The following KLF12 variants were observed in gnomAD, a reference collection of about 807,000 sequenced individuals.
KLF12 encodes the protein Krueppel-like factor 12.
A neutral mutation model predicts 37.8 loss-of-function variants in KLF12; 9 were observed. The observed-to-expected ratio is 0.24, with a 90% CI of 0.14 to 0.42. KLF12 has a LOEUF of 0.42. Ranked by LOEUF, KLF12 falls within the 10% of genes least tolerant of loss-of-function variation. KLF12 has a pLI of 1.00. For synonymous variants in KLF12, 208 were observed against 202.1 expected (o/e 1.03, Z -0.25); for missense variants, 411 against 516.0 (o/e 0.80, Z 1.97).
intron 7 of KLF12, among the ~76,000 whole-genome samples, chr13:73,698,015 G>A (rs1874270848): frequency 6.6e-6 from 1 of 152,036 alleles, no homozygotes; most frequent in Admixed American, 6.6e-5. Flanking sequence ...TAGTTAGCCA[G>A]GTGCAGTGGC....
In KLF12 at chr13:73,891,932, AATAATCTCCCAAGAGGTC is replaced by A. The variant is rs1483117327; in HGVS notation, c.124-45577_124-45560del. ...GTAACATTGTATCAAAAGCCAAAGT[AATAATCTCCCAAGAGGTC>A]ACCAACCTTCCAGAAAACTGCTTCA... On this transcript the variant is annotated intron_variant, in intron 3 of 7. Transcript: ENST00000377669. Among the ~76,000 whole-genome samples the A allele has an allele frequency of 2.0e-5, 3 of 152,290 alleles. No homozygotes were observed. The East Asian group carries it at 5.8e-4, about 29-fold the overall frequency.
chr13:74,068,883 T>C (rs1566196949), intron 1 of KLF12, among the ~76,000 whole-genome samples: 1 of 152,170 alleles, frequency 6.6e-6, no homozygotes, highest in East Asian at 1.9e-4. Flanking sequence ...TGAAGGTATG[T>C]ATACATCATC....
At chr13:73,796,712 T>A (rs545601998) in intron 5 of KLF12, among the ~76,000 whole-genome samples, 155 of 152,266 alleles carry the variant, frequency 1.0e-3, no homozygotes, top group African/African-American at 3.6e-3. Flanking sequence ...ATCCCCTTCT[T>A]CAGTATTTAC....
the KLF12 span, among the ~76,000 whole-genome samples, chr13:74,184,450 T>C: frequency 6.6e-6 from 1 of 152,084 alleles, no homozygotes; most frequent in Non-Finnish European, 1.5e-5. Flanking sequence ...AAATTGAATA[T>C]AATGTTTCCA....
chr13:74,059,555 C>T (rs1873453594), intron 1 of KLF12, among the ~76,000 whole-genome samples: 1 of 152,146 alleles, frequency 6.6e-6, no homozygotes. Context: ...TTGAGCATTT[C>T]TTCATGTTTG....
the KLF12 span, among the ~76,000 whole-genome samples, chr13:74,182,026 G>A: frequency 1.3e-5 from 2 of 152,142 alleles, no homozygotes; most frequent in Non-Finnish European, 2.9e-5. Flanking sequence ...AAAATTCACA[G>A]TTGAAATGGC....
the KLF12 span, among the ~76,000 whole-genome samples, chr13:74,178,816 A>G: frequency 4.6e-5 from 7 of 152,176 alleles, no homozygotes; most frequent in Non-Finnish European, 1.0e-4. Flanking sequence ...CCCCAGCCTC[A>G]GAGTCTTCTT....
At chr13:74,300,060 A>C in the KLF12 span, among the ~76,000 whole-genome samples, 49 of 152,296 alleles carry the variant, frequency 3.2e-4, no homozygotes, top group African/African-American at 1.1e-3. Flanking sequence ...CATTGTAAAA[A>C]GGGGAAATCA....
intron 1 of KLF12, among the ~76,000 whole-genome samples, chr13:74,107,163 A>T (rs550612053): frequency 6.6e-6 from 1 of 152,300 alleles, no homozygotes; most frequent in African/African-American, 2.4e-5. Flanking sequence ...AATCCCATTC[A>T]CAAGGGTGGA....
chr13:74,014,794 T>C lies in KLF12; in HGVS notation c.-31-19741A>G, dbSNP rs1280178163. Among the ~76,000 whole-genome samples the C allele has an allele frequency of 3.3e-5, 5 of 152,322 alleles. No individual in the cohort carries two copies. In the East Asian group the frequency reaches 5.8e-4, roughly 18 times the overall value. On this transcript the variant is annotated intron_variant, in intron 1 of 7. Transcript: ENST00000377669. ...GCTTTTTTTGTTAATGTTCAGCAGA[T>C]TGAAACTTTGAAAACCAAAGGCAAA...
intron 5 of KLF12, among the ~76,000 whole-genome samples, chr13:73,780,513 C>T (rs1392495956): frequency 1.3e-5 from 2 of 149,876 alleles, no homozygotes; most frequent in Non-Finnish European, 3.0e-5. Context: ...GAGTTTCGCT[C>T]TTGTTGCCCA....
At chr13:73,834,335 C>T (rs933599939) in intron 4 of KLF12, among the ~76,000 whole-genome samples, 1 of 152,122 alleles carries the variant, frequency 6.6e-6, no homozygotes, top group African/African-American at 2.4e-5. Flanking sequence ...CTAATTCTAC[C>T]ATGCTCCTAC....
intron 2 of KLF12, among the ~76,000 whole-genome samples, chr13:73,983,221 C>T (rs1268208024): frequency 1.3e-5 from 2 of 152,148 alleles, no homozygotes; most frequent in Non-Finnish European, 2.9e-5. Context: ...AACCAGAACG[C>T]CAGGCAACCA....
chr13:73,790,495 T>C (rs543793001), intron 5 of KLF12, among the ~76,000 whole-genome samples: 5 of 152,342 alleles, frequency 3.3e-5, no homozygotes, highest in Non-Finnish European at 5.9e-5. Context: ...TCAAGTATTT[T>C]GTGAAGTGAC....
chr13:73,844,383 A>G (rs1246967300), intron 4 of KLF12, among the ~76,000 whole-genome samples: 1 of 152,210 alleles, frequency 6.6e-6, no homozygotes, highest in East Asian at 1.9e-4. Context: ...AATCCATGAA[A>G]AGTTTCCCTA....
chr13:73,844,294 A>T (rs1884902734), intron 4 of KLF12, among the ~76,000 whole-genome samples: 1 of 152,178 alleles, frequency 6.6e-6, no homozygotes, highest in African/African-American at 2.4e-5. Flanking sequence ...GCCTGCAGTT[A>T]TGTTGTTATT....
chr13:73,713,002 G>A (rs1213767486), intron 7 of KLF12, among the ~76,000 whole-genome samples: 1 of 152,126 alleles, frequency 6.6e-6, no homozygotes, highest in Non-Finnish European at 1.5e-5. Context: ...GATCTTTGAG[G>A]TACGCCTGTA....
At chr13:74,046,962 T>C (rs1185211157) in intron 1 of KLF12, among the ~76,000 whole-genome samples, 1 of 152,216 alleles carries the variant, frequency 6.6e-6, no homozygotes, top group African/African-American at 2.4e-5. Flanking sequence ...TAATATTCAT[T>C]GTTTTCTTAG....
chr13:74,209,618 C>T, the KLF12 span, among the ~76,000 whole-genome samples: 1 of 151,932 alleles, frequency 6.6e-6, no homozygotes, highest in Non-Finnish European at 1.5e-5. Flanking sequence ...AGGTCCACCT[C>T]TTACTAGCTG....
Sources: gnomAD v4.1 joint callset for allele counts (sites outside exome capture counted in the v4.1 genomes callset) on GRCh38, gnomAD v4.1.1 for gene constraint, MANE v1.5 for transcripts, NCBI Gene and HGNC (gene_info 2026-07-23, HGNC 2026-07-21) for gene names.